The following TTC28 variants were observed in gnomAD, a reference collection of about 807,000 sequenced individuals.
The protein encoded by TTC28 is tetratricopeptide repeat domain 28.
A neutral mutation model predicts 198.0 loss-of-function variants in TTC28; 61 were observed. That is an observed-to-expected ratio of 0.31 (90% CI 0.25 to 0.38). TTC28 has a LOEUF of 0.38. TTC28 is among the 10% of genes least tolerant of loss of function. TTC28 has a pLI of 1.00. For missense variants in TTC28, 2,678 were observed against 3,164.0 expected, an observed-to-expected ratio of 0.85 and a Z score of 3.69; for synonymous variants, 1,171 against 1,297.8, an observed-to-expected ratio of 0.90 and a Z score of 2.10.
chr22:28,531,186 T>C (rs556009886), intron 2 of TTC28, among the ~76,000 whole-genome samples: 1 of 152,262 alleles, frequency 6.6e-6, no homozygotes, highest in East Asian at 1.9e-4. Context: ...GAGACACACA[T>C]AGGCTCAAAA....
At chr22:28,427,704 A>T (rs915119157) in intron 2 of TTC28, among the ~76,000 whole-genome samples, 1 of 152,208 alleles carries the variant, frequency 6.6e-6, no homozygotes, top group African/African-American at 2.4e-5. Context: ...ATAAATTATT[A>T]TATCTAATCC....
In TTC28 at chr22:27,988,628, T is replaced by G. The variant is rs529285981; in HGVS notation, c.5707+1250A>C. The stretch of plus-strand genomic sequence containing the variant: ...TAAGGATTCTCTGTCGGGCCATGTC[T>G]GACAGCTCATCCATGTAACAGTGAG... On this transcript the variant is annotated intron_variant, in intron 21 of 22. Transcript: ENST00000397906. Among the ~76,000 whole-genome samples, 24 of 152,278 alleles carry G rather than the reference T, an allele frequency of 1.6e-4. 2 individuals are homozygous for G. The highest frequency in any genetic ancestry group is 8.3e-4 in the South Asian group (4 of 4,830).
chr22:28,259,644 A>T (rs1344671960), intron 5 of TTC28, among the ~76,000 whole-genome samples: 2 of 152,150 alleles, frequency 1.3e-5, no homozygotes, highest in Non-Finnish European at 2.9e-5. Context: ...TGGATGAAGC[A>T]TTAAATATGA....
rs565939337 is a variant in TTC28, at chr22:28,290,314, AT to A, written c.933+5883del. ...GGTACAATGTAAGAATAGGATAATCATAAAATCTGTATTGACTGAACTTATA... is the reference window on the plus strand; with the variant it reads ...GGTACAATGTAAGAATAGGATAATCAAAAATCTGTATTGACTGAACTTATA... On this transcript the variant is annotated intron_variant, in intron 5 of 22. Coordinates refer to ENST00000397906, the MANE Select transcript of TTC28 (RefSeq NM_001145418.2). 2.3e-4 allele frequency among the ~76,000 whole-genome samples: 35 copies of A among 152,308 alleles called. No homozygotes were observed. The East Asian group carries it at 6.4e-3, about 28-fold the overall frequency.
intron 2 of TTC28, among the ~76,000 whole-genome samples, chr22:28,448,754 T>C (rs369233598): frequency 1.3e-5 from 2 of 152,138 alleles, no homozygotes; most frequent in South Asian, 4.1e-4. Flanking sequence ...TGCAGGACCA[T>C]GCTCCCATTC....
intron 6 of TTC28, among the ~76,000 whole-genome samples, chr22:28,113,968 A>G (rs575435822): frequency 2.4e-4 from 37 of 152,324 alleles, no homozygotes; most frequent in Non-Finnish European, 4.6e-4. Flanking sequence ...TTTTATGTCT[A>G]TGGGACAACA....
chr22:28,522,166 T>G (rs2048920876), intron 2 of TTC28, among the ~76,000 whole-genome samples: 1 of 152,132 alleles, frequency 6.6e-6, no homozygotes, highest in African/African-American at 2.4e-5. Flanking sequence ...AAATAAGAAC[T>G]TTCATAGTAC....
At chr22:27,998,298 T>G in intron 16 of TTC28, 2 of 624,826 alleles carry the variant, frequency 3.2e-6, no homozygotes, top group East Asian at 5.8e-5. Flanking sequence ...TCAGGAGGAG[T>G]TTCACATTCA....
intron 12 of TTC28, among the ~76,000 whole-genome samples, chr22:28,086,035 G>A (rs1008149217): frequency 6.6e-6 from 1 of 152,096 alleles, no homozygotes; most frequent in African/African-American, 2.4e-5. Context: ...GACCTACAAA[G>A]AGACTTAGAC....
At chr22:28,592,789 CA>C (rs2050457159) in intron 2 of TTC28, among the ~76,000 whole-genome samples, 2 of 152,046 alleles carry the variant, frequency 1.3e-5, no homozygotes, top group South Asian at 4.1e-4. Flanking sequence ...TTTCTATTAC[CA>C]ATTACCCTTT....
intron 2 of TTC28, among the ~76,000 whole-genome samples, chr22:28,482,347 G>C (rs1279575061): frequency 6.6e-6 from 1 of 150,802 alleles, no homozygotes; most frequent in South Asian, 2.1e-4. Flanking sequence ...GAGTAGCTGG[G>C]ACTGCAGGCG....
In TTC28 at chr22:28,005,997, G is replaced by A. The variant is rs919235493; in HGVS notation, c.4219-4444C>T. On this transcript the variant is annotated intron_variant, in intron 14 of 22. Coordinates refer to ENST00000397906, the MANE Select transcript of TTC28 (RefSeq NM_001145418.2). This position sits in a 1 kb window ranked among gnomAD's most constrained non-coding sequence, Gnocchi z 4.9. ...ACTAAACATCCGTGGTTAGTCTACG[G>A]TGTGGTTTCTGTCTCCAGATGGACC... is the stretch of plus-strand genomic sequence containing the variant. Among the ~76,000 whole-genome samples, 2 of 152,304 alleles carry A rather than the reference G, an allele frequency of 1.3e-5. No individual in the cohort carries two copies. The highest frequency in any genetic ancestry group is 3.9e-4 in the East Asian group (2 of 5,186).
chr22:28,406,520 A>C (rs1204256398), intron 2 of TTC28, among the ~76,000 whole-genome samples: 1 of 152,158 alleles, frequency 6.6e-6, no homozygotes, highest in Non-Finnish European at 1.5e-5. Context: ...CTAGAGATGC[A>C]TTTTCTACTG....
Position 28,552,280 on chromosome 22 carries a change from C to T in TTC28, c.381+77272G>A, listed in dbSNP as rs2049687844. Among the ~76,000 whole-genome samples the T allele has an allele frequency of 2.0e-5, 3 of 152,090 alleles. No homozygotes were observed. In the South Asian group the frequency reaches 6.2e-4, roughly 32 times the overall value. ...ACCCATGCTCATGGATGAGTAGAAT[C>T]AATATTGCAAAAATGACCATCTTGC... On this transcript the variant is annotated intron_variant, in intron 2 of 22. Transcript: ENST00000397906.
At chr22:28,321,612 T>C (rs1212407541) in intron 2 of TTC28, among the ~76,000 whole-genome samples, 1 of 152,168 alleles carries the variant, frequency 6.6e-6, no homozygotes, top group South Asian at 2.1e-4. Context: ...CATAAGAACT[T>C]CTTGCAGGGT....
chr22:28,061,946 T>C (rs1940558936), intron 12 of TTC28, among the ~76,000 whole-genome samples: 2 of 152,200 alleles, frequency 1.3e-5, no homozygotes, highest in African/African-American at 2.4e-5. Context: ...CCGTTGTAAG[T>C]TGGATTCCTA....
intron 14 of TTC28, among the ~76,000 whole-genome samples, 172 bp downstream of exon 14, chr22:28,014,076 C>T (rs1200824434): frequency 3.3e-5 from 5 of 152,134 alleles, no homozygotes; most frequent in Non-Finnish European, 5.9e-5. Flanking sequence ...CTGTGCTCCA[C>T]CTTATTTTTC....
intron 2 of TTC28, among the ~76,000 whole-genome samples, chr22:28,466,854 C>CACAT (rs2048028954): frequency 1.3e-5 from 2 of 149,964 alleles, no homozygotes; most frequent in Admixed American, 6.6e-5. Flanking sequence ...CACACACACA[C>CACAT]ACCCCTATGC....
intron 2 of TTC28, among the ~76,000 whole-genome samples, chr22:28,306,846 TCTTTTCA>T (rs1336409765): frequency 1.3e-5 from 2 of 152,242 alleles, no homozygotes; most frequent in East Asian, 3.8e-4. Flanking sequence ...AAAATTTTCA[TCTTTTCA>T]CTTCTAAGAC....
Sources: gnomAD v4.1 joint callset for allele counts (sites outside exome capture counted in the v4.1 genomes callset) on GRCh38, gnomAD v4.1.1 for gene constraint, Gnocchi (gnomAD v3.1) non-coding constraint, MANE v1.5 for transcripts, NCBI Gene and HGNC (gene_info 2026-07-23, HGNC 2026-07-21) for gene names.